DACH2: variants seen among roughly 807,000 people sequenced by gnomAD.
DACH2 encodes dachshund homolog 2.
DACH2 carries 17 observed loss-of-function variants against 35.8 expected under a neutral mutation model. The observed-to-expected ratio is 0.48, with a 90% CI of 0.33 to 0.71. DACH2 has a LOEUF of 0.71. Ranked by LOEUF, DACH2 falls within the 30% of genes least tolerant of loss-of-function variation. The pLI is 0.02. For missense variants in DACH2, 469 were observed against 472.7 expected, an observed-to-expected ratio of 0.99 and a Z score of 0.07; for synonymous variants, 195 against 177.3, an observed-to-expected ratio of 1.10 and a Z score of -0.79.
At chrX:86,620,329 G>C (rs189799050) in intron 3 of DACH2, among the ~76,000 whole-genome samples, 24 of 111,449 alleles carry the variant, frequency 2.2e-4, no homozygotes, top group Admixed American at 1.8e-3. Flanking sequence ...AACTGCTGAG[G>C]CTCTCAGTTG....
At chrX:86,243,179 T>C (rs1193614630) in intron 1 of DACH2, among the ~76,000 whole-genome samples, 2 of 110,635 alleles carry the variant, frequency 1.8e-5, no homozygotes, top group Non-Finnish European at 3.8e-5. Context: ...GGAGCTGGAG[T>C]TGGTAGAAAA....
chrX:86,554,716 A>C (rs776195363), intron 3 of DACH2, among the ~76,000 whole-genome samples: 4 of 111,695 alleles, frequency 3.6e-5, no homozygotes, highest in Non-Finnish European at 7.5e-5. Context: ...TAAGCCATTT[A>C]TCTTCTCCAA....
intron 2 of DACH2, among the ~76,000 whole-genome samples, chrX:86,482,457 TC>T (rs1466022301): frequency 5.4e-5 from 6 of 111,448 alleles, no homozygotes; most frequent in African/African-American, 2.0e-4. Flanking sequence ...TTGGGTTGGT[TC>T]CAAGTCTTTG....
At chrX:86,346,758 G>A (rs1351254344) in intron 1 of DACH2, among the ~76,000 whole-genome samples, 3 of 111,671 alleles carry the variant, frequency 2.7e-5, no homozygotes, top group Non-Finnish European at 5.7e-5. Flanking sequence ...GTGATTGTAT[G>A]CACTGAAACC....
chrX:86,472,281 G>A (rs1384327065), intron 2 of DACH2, among the ~76,000 whole-genome samples: 1 of 111,577 alleles, frequency 9.0e-6, no homozygotes, highest in East Asian at 2.8e-4. Context: ...ATGTGGCAAT[G>A]GAAGTAGTGA....
chrX:86,551,840 A>G (rs1191952146), intron 3 of DACH2, among the ~76,000 whole-genome samples: 1 of 111,716 alleles, frequency 9.0e-6, no homozygotes, highest in Non-Finnish European at 1.9e-5. Context: ...TGCTTTCCCC[A>G]GGTTGTGGAA....
At chrX:86,490,851 A>T (rs1038993624) in intron 2 of DACH2, among the ~76,000 whole-genome samples, 5 of 111,192 alleles carry the variant, frequency 4.5e-5, no homozygotes, top group Non-Finnish European at 9.5e-5. Context: ...TTTCCCATTG[A>T]GAGGCTACTA....
chrX:86,382,131 C>CTTTCT (rs923584125), intron 2 of DACH2, among the ~76,000 whole-genome samples: 1 of 109,959 alleles, frequency 9.1e-6, no homozygotes, highest in African/African-American at 3.3e-5. Context: ...TATATTCTTT[C>CTTTCT]TTTCTTTTCT....
At chrX:86,722,449 A>G (rs2041417728) in intron 6 of DACH2, among the ~76,000 whole-genome samples, 1 of 111,189 alleles carries the variant, frequency 9.0e-6, no homozygotes, top group Non-Finnish European at 1.9e-5. Flanking sequence ...CCTGGGCTCA[A>G]GTGATTCTCC....
intron 2 of DACH2, among the ~76,000 whole-genome samples, chrX:86,442,565 T>C (rs1057291574): frequency 3.6e-5 from 4 of 110,476 alleles, no homozygotes; most frequent in African/African-American, 1.3e-4. Flanking sequence ...GAAATCCCAT[T>C]TGTTTCTTTT....
At chrX:86,596,276 C>T (rs937421567) in intron 3 of DACH2, among the ~76,000 whole-genome samples, 25 of 111,683 alleles carry the variant, frequency 2.2e-4, no homozygotes, top group Admixed American at 1.9e-3. Context: ...ATGGTAATCT[C>T]GTGTCTAACT....
In DACH2 at chrX:86,541,850, A is replaced by G. The variant is rs949107305; in HGVS notation, c.640+27459A>G. ...GTGCATGAGGAGGAAGGTATCTGCC[A>G]TAAATGTTTTTCACGAGATTTCATC... On this transcript the variant is annotated intron_variant, in intron 3 of 11. Coordinates refer to ENST00000373125, the MANE Select transcript of DACH2 (RefSeq NM_053281.3). Among the ~76,000 whole-genome samples the G allele has an allele frequency of 2.7e-5, 3 of 111,548 alleles. No homozygotes were observed. In the East Asian group the frequency reaches 8.5e-4, roughly 32 times the overall value.
intron 7 of DACH2, among the ~76,000 whole-genome samples, chrX:86,743,060 G>A (rs2041673700): frequency 1.8e-5 from 2 of 111,379 alleles, no homozygotes; most frequent in South Asian, 7.4e-4. Flanking sequence ...CCATTTGCTG[G>A]TTATAGTTGA....
chrX:86,701,501 TCCTGGCCAGAGCAATC>T (rs1234463291), intron 5 of DACH2, among the ~76,000 whole-genome samples: 157 of 111,735 alleles, frequency 1.4e-3, no homozygotes, highest in African/African-American at 4.7e-3. Context: ...GTACTGGAAG[TCCTGGCCAGAGCAATC>T]AGGCAGGGGG....
At chrX:86,324,903 A>G (rs2035085360) in intron 1 of DACH2, among the ~76,000 whole-genome samples, 1 of 110,339 alleles carries the variant, frequency 9.1e-6, no homozygotes, top group Non-Finnish European at 1.9e-5. Flanking sequence ...CCATCAACAT[A>G]TAGGACCAGC....
At chrX:86,631,791 T>A (rs994525829) in intron 3 of DACH2, among the ~76,000 whole-genome samples, 3 of 111,500 alleles carry the variant, frequency 2.7e-5, no homozygotes, top group Non-Finnish European at 5.7e-5. Context: ...GTTACCAAAC[T>A]TTTTTGGTTC....
At chrX:86,472,321 G>A (rs757738960) in intron 2 of DACH2, among the ~76,000 whole-genome samples, 6 of 111,435 alleles carry the variant, frequency 5.4e-5, no homozygotes, top group Non-Finnish European at 1.1e-4. Context: ...CATGGAAGAA[G>A]GACTGTGAAG....
At chrX:86,214,136 A>G (rs142378633) in intron 1 of DACH2, among the ~76,000 whole-genome samples, 2,340 of 110,765 alleles carry the variant, frequency 0.021, 70 homozygotes, top group African/African-American at 0.073. Flanking sequence ...TAATGCTTTG[A>G]TAGCCTTCTA....
intron 2 of DACH2, among the ~76,000 whole-genome samples, chrX:86,428,854 G>C (rs2036936603): frequency 9.1e-6 from 1 of 110,395 alleles, no homozygotes; most frequent in Non-Finnish European, 1.9e-5. Flanking sequence ...CCTTAAGCTT[G>C]TTATTTTTCA....
Sources: gnomAD v4.1 joint callset for allele counts (sites outside exome capture counted in the v4.1 genomes callset) on GRCh38, gnomAD v4.1.1 for gene constraint, MANE v1.5 for transcripts, NCBI Gene and HGNC (gene_info 2026-07-23, HGNC 2026-07-21) for gene names.